The following ITK variants were observed in gnomAD, a reference collection of about 807,000 sequenced individuals.
ITK encodes tyrosine-protein kinase ITK/TSK.
ITK carries 45 observed loss-of-function variants against 87.6 expected under a neutral mutation model. The ratio of observed to expected loss-of-function variants is 0.51; its 90% CI spans 0.40 to 0.66. The LOEUF (loss-of-function observed/expected upper bound fraction) is 0.66. Among genes scored for constraint, ITK ranks in the 30% least tolerant of loss-of-function variants. The pLI is 0.00. For synonymous variants in ITK, 303 were observed against 273.6 expected (o/e 1.11, Z -1.06); for missense variants, 605 against 766.3 (o/e 0.79, Z 2.48).
intron 1 of ITK, among the ~76,000 whole-genome samples, chr5:157,193,225 T>C (rs114626188): frequency 0.025 from 3,848 of 152,270 alleles, 64 homozygotes; most frequent in Non-Finnish European, 0.038. Flanking sequence ...TATCTCTCTT[T>C]GTTTTTAAGT....
In ITK at chr5:157,254,757, G is replaced by T. The variant is rs959229042; in HGVS notation, c.*2079G>T. ...CATTCAGTCTAGAAAGAAAACATTG[G>T]AATTGACTGATCTCTGTGGTTTGGT... On this transcript the variant is annotated 3_prime_UTR_variant, in exon 17 of 17. Coordinates refer to ENST00000422843, the MANE Select transcript of ITK (RefSeq NM_005546.4). The T allele has an allele frequency of 9.2e-6, 2 of 217,932 alleles. No individual in the cohort carries two copies. The highest frequency in any genetic ancestry group is 4.5e-5 in the African/African-American group (2 of 44,482). The allele number at this position is 217,932 out of a possible 1,614,324, so 13.5% of individuals were successfully genotyped here. A position where few individuals can be genotyped will look rare whatever the true frequency, so the allele number is the denominator to read the frequency against.
intron 1 of ITK, among the ~76,000 whole-genome samples, chr5:157,189,451 G>A (rs561968254): frequency 2.0e-5 from 3 of 152,280 alleles, no homozygotes; most frequent in East Asian, 1.9e-4. Context: ...AGGCCAAGGC[G>A]GGCGGATTAC....
chr5:157,194,481 A>G (rs1753813930), intron 1 of ITK, among the ~76,000 whole-genome samples: 1 of 152,216 alleles, frequency 6.6e-6, no homozygotes, highest in Admixed American at 6.5e-5. Context: ...GCTATATCCA[A>G]AGTGGTAATA....
In ITK at chr5:157,185,522, G is replaced by T. The variant is rs9313477; in HGVS notation, c.138+4407G>T. On this transcript the variant is annotated intron_variant, in intron 1 of 16. Coordinates refer to ENST00000422843, the MANE Select transcript of ITK (RefSeq NM_005546.4). Reference sequence around the variant, plus strand: ...CCCAAAGTGCTGGGATTACAGATGTGAGCCATCGCGCCTGGCCTATGTTTT... The same window carrying T: ...CCCAAAGTGCTGGGATTACAGATGTTAGCCATCGCGCCTGGCCTATGTTTT... 8.9e-4 allele frequency among the ~76,000 whole-genome samples: 136 copies of T among 152,092 alleles called. 1 individual carries two copies. Among genetic ancestry groups the T allele is most frequent in the African/African-American group, 3.2e-3 (133 of 41,496 alleles).
At chr5:157,203,378 A>G (rs1469691729) in intron 1 of ITK, among the ~76,000 whole-genome samples, 1 of 152,210 alleles carries the variant, frequency 6.6e-6, no homozygotes, top group Non-Finnish European at 1.5e-5. Flanking sequence ...TGAGCTAATT[A>G]AGCTCCACTG....
At chr5:157,238,214 C>T in intron 9 of ITK, 23 bp downstream of exon 9, 3 of 1,560,740 alleles carry the variant, frequency 1.9e-6, no homozygotes, top group South Asian at 1.1e-5. Context: ...CTCTGCTCAG[C>T]AAAGTGGAGA....
At chr5:157,209,045 T>A in intron 2 of ITK, 52 bp downstream of exon 2, 1 of 1,238,420 alleles carries the variant, frequency 8.1e-7, no homozygotes, top group Non-Finnish European at 1.2e-6. Context: ...GGTTAAAATC[T>A]TCAGTCACAG....
At chr5:157,203,273 G>A (rs1316268035) in intron 1 of ITK, among the ~76,000 whole-genome samples, 2 of 152,144 alleles carry the variant, frequency 1.3e-5, no homozygotes, top group African/African-American at 2.4e-5. Context: ...ACTCATAGCT[G>A]GCCCTCCATA....
At position 157,254,367 on chromosome 5, in the gene ITK, G is replaced by C. The variant is rs1316209816; in HGVS notation, c.*1689G>C. The C allele has an allele frequency of 4.5e-6, 1 of 223,876 alleles. No homozygotes were observed. The highest frequency in any genetic ancestry group is 2.2e-5 in the African/African-American group (1 of 44,772). 13.9% of individuals were successfully genotyped at this position (223,876 alleles called of 1,614,324 possible). A position where few individuals can be genotyped will look rare whatever the true frequency, so the allele number is the denominator to read the frequency against. On this transcript the variant is annotated 3_prime_UTR_variant, in exon 17 of 17. Coordinates refer to ENST00000422843, the MANE Select transcript of ITK (RefSeq NM_005546.4). ...CAACCAACCAGTCATGTTGCTTGAA[G>C]CCATTTATAGACGAGCTTCAAAGCA...
chr5:157,225,063 C>A (rs1441323581), intron 6 of ITK, among the ~76,000 whole-genome samples: 1 of 151,918 alleles, frequency 6.6e-6, no homozygotes, highest in Non-Finnish European at 1.5e-5. Flanking sequence ...GGCACTCTCA[C>A]AGTTCACTGC....
At chr5:157,214,112 T>A (rs1754248531) in intron 3 of ITK, 79 bp from the exon 4 acceptor site, 4 of 1,140,684 alleles carry the variant, frequency 3.5e-6, no homozygotes, top group Non-Finnish European at 5.3e-6. Flanking sequence ...CCAGGTCTAA[T>A]CTCGAGGTGT....
chr5:157,186,816 C>T (rs958790372), intron 1 of ITK, among the ~76,000 whole-genome samples: 1 of 152,136 alleles, frequency 6.6e-6, no homozygotes, highest in Non-Finnish European at 1.5e-5. Context: ...GGACTGCTAC[C>T]ACCTCTCATG....
chr5:157,248,535 A>G (rs1222956525), intron 15 of ITK, among the ~76,000 whole-genome samples: 1 of 152,130 alleles, frequency 6.6e-6, no homozygotes, highest in East Asian at 1.9e-4. Flanking sequence ...CCCAATCCCA[A>G]TAGTGTCACA....
At chr5:157,243,359 T>C (rs1754952878) in intron 11 of ITK, among the ~76,000 whole-genome samples, 2 of 152,250 alleles carry the variant, frequency 1.3e-5, no homozygotes, top group South Asian at 4.1e-4. Context: ...AAGAACCCTT[T>C]CTTTAATATT....
chr5:157,237,910 G>C (rs919309098), intron 8 of ITK, among the ~76,000 whole-genome samples, 199 bp from the exon 9 acceptor site: 5 of 152,242 alleles, frequency 3.3e-5, no homozygotes, highest in African/African-American at 1.2e-4. Flanking sequence ...CATGAGAACA[G>C]TCTGGGATCC....
chr5:157,243,778 G>C lies in ITK; in HGVS notation c.1216G>C (p.Glu406Gln). The change falls in exon 12 of 17, where the codon GAG (glutamate) becomes CAG (glutamine). Residue 406 changes from glutamate to glutamine, a missense_variant. Glu to Gln is a conservative substitution (Grantham distance 29, BLOSUM62 2). Coordinates refer to ENST00000422843, the MANE Select transcript of ITK (RefSeq NM_005546.4). ...TATGTCAGAAGAGGACTTCATAGAG[G>C]AGGCTGAAGTAATGATGTGAGTGCT... is the stretch of plus-strand genomic sequence containing the variant. ...GAMSEEDFIE[E>Q]AEVMMKLSHP... 6.2e-7 allele frequency: 1 copy of C among 1,614,002 alleles called. No individual in the cohort carries two copies. The highest frequency in any genetic ancestry group is 8.5e-7 in the Non-Finnish European group (1 of 1,179,932).
chr5:157,232,998 G>A (rs565586233), intron 8 of ITK, among the ~76,000 whole-genome samples: 1 of 152,330 alleles, frequency 6.6e-6, no homozygotes, highest in South Asian at 2.1e-4. Context: ...ATCCTCTAAA[G>A]CCATGCAGTG....
Position 157,232,350 on chromosome 5 carries a change from A to G in ITK, c.724A>G (p.Lys242Glu). 1.9e-6 allele frequency: 3 copies of G among 1,610,222 alleles called. No homozygotes were observed. The highest frequency in any genetic ancestry group is 2.5e-6 in the Non-Finnish European group (3 of 1,176,790). The change falls in exon 8 of 17, where the codon AAG becomes GAG. Residue 242 changes from lysine to glutamate, a missense_variant. Coordinates refer to ENST00000422843, the MANE Select transcript of ITK (RefSeq NM_005546.4). ...TTTCCTTGCTTTCAGGTGGTACAATAAGAGTATCAGCCGAGACAAAGCTGA... is the reference window on the plus strand; with the variant it reads ...TTTCCTTGCTTTCAGGTGGTACAATGAGAGTATCAGCCGAGACAAAGCTGA... ...NNLETYEWYN[K>E]SISRDKAEKL...
chr5:157,218,512 A>G (rs937309365), intron 5 of ITK, among the ~76,000 whole-genome samples: 2 of 64,736 alleles, frequency 3.1e-5, no homozygotes, highest in Middle Eastern at 7.9e-3. Context: ...CCGTCTCCAG[A>G]AAAAAAAAAA....
Sources: gnomAD v4.1 joint callset for allele counts (sites outside exome capture counted in the v4.1 genomes callset) on GRCh38, gnomAD v4.1.1 for gene constraint, MANE v1.5 for transcripts, NCBI Gene and HGNC (gene_info 2026-07-23, HGNC 2026-07-21) for gene names.